The following IPO5 variants were observed in gnomAD, a reference collection of about 807,000 sequenced individuals.
The protein encoded by IPO5 is importin 5, also known as importin-5.
A neutral mutation model predicts 143.3 loss-of-function variants in IPO5; 18 were observed. The observed-to-expected ratio is 0.13, with a 90% CI of 0.09 to 0.19. The LOEUF is 0.19. Among genes scored for constraint, IPO5 ranks in the 10% least tolerant of loss-of-function variants. The pLI, the probability that IPO5 is intolerant of heterozygous loss-of-function variation, is 1.00. For synonymous variants in IPO5, 477 were observed against 465.7 expected (o/e 1.02, Z -0.31); for missense variants, 1,013 against 1,336.9 (o/e 0.76, Z 3.78).
chr13:97,987,516 T>C (rs1887471767), intron 6 of IPO5, among the ~76,000 whole-genome samples: 1 of 152,184 alleles, frequency 6.6e-6, no homozygotes, highest in African/African-American at 2.4e-5. Flanking sequence ...CTTTATATTT[T>C]AGATGAGTTC....
chr13:97,976,747 C>T lies in IPO5; in HGVS notation c.51C>T (p.Asn17=), dbSNP rs1451552457. The part of the protein sequence containing the change: ...EQQQFYLLLG[N]LLSPDNVVRK... Reference sequence around the variant, plus strand: ...AACAGTTCTACCTGCTCCTGGGAAACCTGCTCAGCCCCGACAATGTGGTCC... The same window carrying T: ...AACAGTTCTACCTGCTCCTGGGAAATCTGCTCAGCCCCGACAATGTGGTCC... Residue 17 remains asparagine (N), a synonymous_variant, in exon 4 of 29, where the codon AAC becomes AAT. Transcript: ENST00000651721. 2.1e-6 allele frequency: 3 copies of T among 1,415,748 alleles called. No individual in the cohort carries two copies. The highest frequency in any genetic ancestry group is 2.8e-6 in the Non-Finnish European group (3 of 1,060,508). 87.7% of individuals were successfully genotyped at this position (1,415,748 alleles called of 1,614,324 possible).
intron 4 of IPO5, chr13:97,981,295 G>A (rs553785843): frequency 8.8e-6 from 4 of 455,004 alleles, no homozygotes; most frequent in Admixed American, 7.1e-5. Context: ...AATAGAACTG[G>A]TTGTTTAATG....
chr13:97,978,816 T>C (rs923071673), intron 4 of IPO5, among the ~76,000 whole-genome samples: 2 of 152,186 alleles, frequency 1.3e-5, no homozygotes, highest in Admixed American at 1.3e-4. Context: ...TGAATTCCAA[T>C]TGGTGCCTGT....
At position 97,993,167 on chromosome 13, in the gene IPO5, C is replaced by T. The variant is rs747781910; in HGVS notation, c.855C>T (p.Thr285=). The T allele has an allele frequency of 1.2e-6, 2 of 1,613,678 alleles. No homozygotes were observed. The highest frequency in any genetic ancestry group is 1.7e-6 in the Non-Finnish European group (2 of 1,179,678). The part of the protein sequence containing the change: ...QRQLALEVIV[T]LSETAAAMLR... ...AGCTTGCCCTTGAAGTGATCGTCAC[C>T]CTCTCTGAGACTGCAGCTGCTATGT... is the stretch of plus-strand genomic sequence containing the variant. Residue 285 remains threonine (T), a synonymous_variant, in exon 11 of 29, where the codon ACC becomes ACT. Transcript: ENST00000651721.
intron 25 of IPO5, among the ~76,000 whole-genome samples, chr13:98,017,258 G>A (rs12232085): frequency 1.4e-5 from 2 of 147,144 alleles, no homozygotes; most frequent in East Asian, 2.4e-4. Context: ...ATATATATAT[G>A]TATTTTTTTT....
rs184306123 is a variant in IPO5, at chr13:98,022,121, G to A, written c.*299G>A. On this transcript the variant is annotated 3_prime_UTR_variant, in exon 29 of 29. Transcript: ENST00000651721. ...AAGGGAAATCAAATTAATTTTTCTC[G>A]TTAGACATAAGGAAATTTAAGGAAA... The A allele has an allele frequency of 5.1e-5, 12 of 236,268 alleles. No homozygotes were observed. The highest frequency in any genetic ancestry group is 4.7e-4 in the Admixed American group (9 of 19,324). 14.6% of individuals were successfully genotyped at this position (236,268 alleles called of 1,614,324 possible). A position where few individuals can be genotyped will look rare whatever the true frequency, so the allele number is the denominator to read the frequency against.
chr13:97,982,581 G>A lies in IPO5; in HGVS notation c.169G>A (p.Glu57Lys). 6.4e-7 allele frequency: 1 copy of A among 1,573,196 alleles called. No individual in the cohort carries two copies. The highest frequency in any genetic ancestry group is 8.7e-7 in the Non-Finnish European group (1 of 1,142,904). The change falls in exon 5 of 29, where the codon GAG becomes AAG. Residue 57 changes from glutamate to lysine, a missense_variant and splice_region_variant. Physicochemically the swap from Glu to Lys is moderately conservative, Grantham distance 56. Transcript: ENST00000651721. ...QAIRNTTAAEEARQMAAVLLR... is the reference protein window; with the variant it reads ...QAIRNTTAAEKARQMAAVLLR... ...CATCAGAAATACAACAGCTGCTGAA[G>A]AGGTACTACCTTAATATTTGTGACT...
chr13:98,015,811 G>A (rs754346879), intron 24 of IPO5, 30 bp downstream of exon 24: 28 of 1,439,450 alleles, frequency 1.9e-5, no homozygotes, highest in African/African-American at 8.5e-5. Flanking sequence ...ACTTACTTAC[G>A]TGACCACTTG....
At chr13:97,997,922 A>G (rs1888434299) in intron 12 of IPO5, among the ~76,000 whole-genome samples, 1 of 152,236 alleles carries the variant, frequency 6.6e-6, no homozygotes, top group South Asian at 2.1e-4. Context: ...CAAACAAGGA[A>G]GTTTTTCTTT....
chr13:97,968,513 C>T (rs1342189914), intron 2 of IPO5, among the ~76,000 whole-genome samples: 2 of 152,160 alleles, frequency 1.3e-5, no homozygotes, highest in African/African-American at 4.8e-5. Flanking sequence ...ATCTATTTCT[C>T]CCTTAATTCT....
Position 98,022,314 on chromosome 13 carries a change from C to T in IPO5, c.*492C>T, listed in dbSNP as rs1413817111. 1 of 152,534 alleles carries T rather than the reference C, an allele frequency of 6.6e-6. No homozygotes were observed. Among genetic ancestry groups the T allele is most frequent in the African/African-American group, 2.4e-5 (1 of 41,426 alleles). 9.4% of individuals were successfully genotyped at this position (152,534 alleles called of 1,614,324 possible). A position where few individuals can be genotyped will look rare whatever the true frequency, so the allele number is the denominator to read the frequency against. On this transcript the variant is annotated 3_prime_UTR_variant, in exon 29 of 29. Coordinates refer to ENST00000651721, the MANE Select transcript of IPO5 (RefSeq NM_002271.6). ...GTTGAAAAAAACTGATGACAGACAA[C>T]AAGCATGAAGATGGCATATTTGATG... is the stretch of plus-strand genomic sequence containing the variant.
chr13:98,009,534 G>T (rs951868980), intron 18 of IPO5, among the ~76,000 whole-genome samples: 2 of 152,172 alleles, frequency 1.3e-5, no homozygotes, highest in Non-Finnish European at 2.9e-5. Flanking sequence ...TTGTAACTGG[G>T]AGTTGATGAA....
chr13:98,021,655 T>G (rs1371132029), intron 28 of IPO5, 81 bp from the exon 29 acceptor site: 20 of 732,804 alleles, frequency 2.7e-5, no homozygotes, highest in African/African-American at 5.2e-5. Context: ...TTGCCATGAT[T>G]ACAGTTTACC....
chr13:98,011,050 A>G (rs1278965818), intron 20 of IPO5, among the ~76,000 whole-genome samples: 2 of 151,906 alleles, frequency 1.3e-5, no homozygotes, highest in African/African-American at 4.8e-5. Flanking sequence ...GATTACAGGC[A>G]TGAGCCACTG....
intron 11 of IPO5, among the ~76,000 whole-genome samples, chr13:97,994,870 A>C (rs1888112558): frequency 6.6e-6 from 1 of 152,150 alleles, no homozygotes; most frequent in South Asian, 2.1e-4. Context: ...TCAGGCCTGT[A>C]ATTCCAGCAA....
At position 98,013,968 on chromosome 13, in the gene IPO5, C is replaced by A. The variant is rs59462030; in HGVS notation, c.2153-74C>A. 2.9e-3 allele frequency: 3,796 copies of A among 1,329,060 alleles called. 160 individuals are homozygous for A. In the East Asian group the frequency reaches 0.083, roughly 29 times the overall value. The allele number at this position is 1,329,060 out of a possible 1,614,324, so 82.3% of individuals were successfully genotyped here. On this transcript the variant is annotated intron_variant, in intron 21 of 28. Coordinates refer to ENST00000651721, the MANE Select transcript of IPO5 (RefSeq NM_002271.6). ...GATAAACAGAAGTTGCCTAGCACTC[C>A]TTTTAGTGCATTGAACCCTTTAACA... is the stretch of plus-strand genomic sequence containing the variant.
intron 12 of IPO5, 38 bp downstream of exon 12, chr13:97,997,656 C>CTAG: frequency 7.5e-7 from 1 of 1,327,564 alleles, no homozygotes; most frequent in Non-Finnish European, 1.1e-6. Flanking sequence ...AGTGAAAGCC[C>CTAG]TAGGGCTCCA....
intron 19 of IPO5, 41 bp downstream of exon 19, chr13:98,010,054 C>T (rs759033182): frequency 6.2e-7 from 1 of 1,613,394 alleles, no homozygotes; most frequent in Non-Finnish European, 8.5e-7. Flanking sequence ...TAATAGTTCT[C>T]TCTTTGTTAT....
intron 24 of IPO5, 141 bp downstream of exon 24, chr13:98,015,922 CTT>C (rs1289560887): frequency 3.1e-5 from 18 of 589,164 alleles, no homozygotes; most frequent in South Asian, 5.0e-5. Context: ...TATTTCCTCT[CTT>C]AATTTATGAA....
Sources: gnomAD v4.1 joint callset for allele counts (sites outside exome capture counted in the v4.1 genomes callset) on GRCh38, gnomAD v4.1.1 for gene constraint, MANE v1.5 for transcripts, NCBI Gene and HGNC (gene_info 2026-07-23, HGNC 2026-07-21) for gene names.